The following C20orf203 variants were observed in gnomAD, a reference collection of about 807,000 sequenced individuals.
C20orf203 encodes uncharacterized protein C20orf203.
In C20orf203, 16 loss-of-function variants were observed where a neutral mutation model predicts 15.9. The ratio of observed to expected loss-of-function variants is 1.01; its 90% confidence interval spans 0.68 to 1.53. C20orf203 has a LOEUF of 1.53. C20orf203 is among the 40% of genes most tolerant of loss of function. The pLI is 0.00. For missense variants in C20orf203, 263 were observed against 247.5 expected, an observed-to-expected ratio of 1.06 and a Z score of -0.42; for synonymous variants, 98 against 97.2, an observed-to-expected ratio of 1.01 and a Z score of -0.05.
At chr20:32,672,361 T>TA (rs1385057689) in intron 1 of C20orf203, among the ~76,000 whole-genome samples, 4 of 137,996 alleles carry the variant, frequency 2.9e-5, no homozygotes, top group African/African-American at 1.4e-4. Context: ...TAAAATAAAA[T>TA]AAATACACAC....
rs1333164318 is a variant in C20orf203 at position 32,651,038 on chromosome 20, T to C, written c.115A>G (p.Lys39Glu). ...PPRLASFPFT[K>E]TGMLSRATSV... ...CTTACCCGGCTCAGCATTCCAGTTT[T>C]TGTAAAGGGAAAACTGGCCAGGCGA... Residue 39 changes from lysine (K) to glutamate (E), a missense_variant, in exon 3 of 6, where the codon AAA (lysine) becomes GAA (glutamate). Transcript: ENST00000608990. The C allele has an allele frequency of 6.6e-7, 1 of 1,509,730 alleles. No individual in the cohort carries two copies. The highest frequency in any genetic ancestry group is 8.9e-7 in the Non-Finnish European group (1 of 1,125,780). The allele number at this position is 1,509,730 out of a possible 1,614,324, so 93.5% of individuals were successfully genotyped here.
At chr20:32,671,322 T>G (rs1486842861) in intron 1 of C20orf203, among the ~76,000 whole-genome samples, 1 of 152,166 alleles carries the variant, frequency 6.6e-6, no homozygotes, top group African/African-American at 2.4e-5. Context: ...ACATATGGTG[T>G]GTACACACAT....
At chr20:32,659,246 A>G (rs1413031102) in intron 1 of C20orf203, among the ~76,000 whole-genome samples, 1 of 152,052 alleles carries the variant, frequency 6.6e-6, no homozygotes, top group East Asian at 1.9e-4. Flanking sequence ...CCACACTCCA[A>G]AGACACTGGG....
intron 1 of C20orf203, chr20:32,657,705 A>C (rs1982796448): frequency 6.6e-6 from 1 of 152,256 alleles, no homozygotes; most frequent in African/African-American, 2.4e-5. Context: ...TCTGCCTGTA[A>C]TCCCAGCACT....
chr20:32,673,162 C>T lies in C20orf203; in HGVS notation c.-264+470G>A, dbSNP rs138517244. 8.5e-5 allele frequency among the ~76,000 whole-genome samples: 13 copies of T among 152,270 alleles called. 1 individual carries two copies. The highest frequency in any genetic ancestry group is 3.3e-4 in the Admixed American group (5 of 15,292). On this transcript the variant is annotated intron_variant, in intron 1 of 5. Transcript: ENST00000608990. ...GGGGTTGCAGGGTTGGGGGAACAAGCGACAAGCCCGCCCTCCTGAGGAGCC... is the reference window on the plus strand; with the variant it reads ...GGGGTTGCAGGGTTGGGGGAACAAGTGACAAGCCCGCCCTCCTGAGGAGCC...
At chr20:32,671,661 G>A (rs946272712) in intron 1 of C20orf203, among the ~76,000 whole-genome samples, 1 of 151,860 alleles carries the variant, frequency 6.6e-6, no homozygotes, top group Admixed American at 6.6e-5. Context: ...CCAACATGGA[G>A]AAACCCTGTC....
At chr20:32,669,388 C>T (rs1226579654) in intron 1 of C20orf203, among the ~76,000 whole-genome samples, 1 of 152,204 alleles carries the variant, frequency 6.6e-6, no homozygotes, top group Non-Finnish European at 1.5e-5. Context: ...CTGACCTGCT[C>T]CCTTCGTAAG....
Position 32,650,315 on chromosome 20 carries a change from C to T in C20orf203, c.*117G>A. On this transcript the variant is annotated 3_prime_UTR_variant, in exon 4 of 6. Transcript: ENST00000608990. ...TTTCAGCTGGGCGTGCCGGGCCCATCCCCCACTCTGGGGAGCAGAATGATT... is the reference window on the plus strand; with the variant it reads ...TTTCAGCTGGGCGTGCCGGGCCCATTCCCCACTCTGGGGAGCAGAATGATT... 5 of 754,112 alleles carry T rather than the reference C, an allele frequency of 6.6e-6. No individual in the cohort carries two copies. The South Asian group carries it at 7.2e-5, about 11-fold the overall frequency. 46.7% of individuals were successfully genotyped at this position (754,112 alleles called of 1,614,324 possible). A position where few individuals can be genotyped will look rare whatever the true frequency, so the allele number is the denominator to read the frequency against.
intron 1 of C20orf203, among the ~76,000 whole-genome samples, chr20:32,655,931 C>T (rs1386019694): frequency 6.6e-6 from 1 of 152,256 alleles, no homozygotes; most frequent in Non-Finnish European, 1.5e-5. Context: ...GTGACTCCCT[C>T]ATGAATGGCT....
At chr20:32,666,792 T>TA (rs1983039916) in intron 1 of C20orf203, among the ~76,000 whole-genome samples, 2 of 92,926 alleles carry the variant, frequency 2.2e-5, no homozygotes, top group Non-Finnish European at 2.2e-5. Context: ...GAAATTAATT[T>TA]TAATTTATAT....
At position 32,668,995 on chromosome 20, in the gene C20orf203, C is replaced by T. The variant is rs567949199; in HGVS notation, c.-264+4637G>A. Among the ~76,000 whole-genome samples, 4 of 152,300 alleles carry T rather than the reference C, an allele frequency of 2.6e-5. No homozygotes were observed. The South Asian group carries it at 6.2e-4, about 24-fold the overall frequency. The stretch of plus-strand genomic sequence containing the variant: ...GGTACAAGACTCATCTCTACAAAAT[C>T]GAAGTTTTCCAGTTCAGAAGGAAAA... On this transcript the variant is annotated intron_variant, in intron 1 of 5. Coordinates refer to ENST00000608990, the MANE Select transcript of C20orf203 (RefSeq NM_182584.4).
chr20:32,635,725 C>T (rs1297357852), intron 5 of C20orf203, among the ~76,000 whole-genome samples: 3 of 152,116 alleles, frequency 2.0e-5, no homozygotes, highest in South Asian at 4.1e-4. Flanking sequence ...GTGGGAGGAT[C>T]GCTTGCCTAG....
intron 1 of C20orf203, among the ~76,000 whole-genome samples, chr20:32,672,520 CTATG>C (rs1983198212): frequency 6.6e-6 from 1 of 150,892 alleles, no homozygotes; most frequent in Admixed American, 6.6e-5. Flanking sequence ...TTACAATGAG[CTATG>C]ATTGCATCAT....
At position 32,648,526 on chromosome 20, in the gene C20orf203, C is replaced by T. The variant is rs550100742; in HGVS notation, c.*1177+729G>A. On this transcript the variant is annotated intron_variant, in intron 4 of 5. Transcript: ENST00000608990. ...TGTGACGGTGGCTCACTGCAAGCTC[C>T]GCCTCCCAGGTTCACGCCATTCTTC... Among the ~76,000 whole-genome samples the T allele has an allele frequency of 4.1e-5, 6 of 148,070 alleles. No individual in the cohort carries two copies. In the South Asian group the frequency reaches 8.7e-4, roughly 21 times the overall value.
At chr20:32,653,191 A>T (rs2145673884) in intron 1 of C20orf203, among the ~76,000 whole-genome samples, 1 of 152,164 alleles carries the variant, frequency 6.6e-6, no homozygotes, top group African/African-American at 2.4e-5. Context: ...GGAAGATTTC[A>T]AGGTGGACCA....
intron 4 of C20orf203, among the ~76,000 whole-genome samples, chr20:32,641,333 C>CAAA (rs71338447): frequency 1.4e-3 from 78 of 56,964 alleles, no homozygotes; most frequent in Non-Finnish European, 2.3e-3. Flanking sequence ...CTCAAAAACT[C>CAAA]AAAAAAAAAA....
intron 4 of C20orf203, among the ~76,000 whole-genome samples, chr20:32,648,443 T>TC (rs1600930844): frequency 8.1e-6 from 1 of 123,374 alleles, no homozygotes; most frequent in East Asian, 2.2e-4. Flanking sequence ...TTTTTTTTTT[T>TC]TTTTTTTTTT....
chr20:32,635,843 C>A lies in C20orf203; in HGVS notation c.*1300-1573G>T, dbSNP rs571625873. Among the ~76,000 whole-genome samples the A allele has an allele frequency of 2.1e-4, 32 of 152,290 alleles. 1 individual carries two copies. The South Asian group carries it at 4.1e-3, about 20-fold the overall frequency. ...TTCAGAGACAGATTCTAGGAGGCAA[C>A]TCCATGAGGCCACAACTTCTCTTTC... On this transcript the variant is annotated intron_variant, in intron 5 of 5. Transcript: ENST00000608990.
intron 4 of C20orf203, among the ~76,000 whole-genome samples, chr20:32,646,215 G>A (rs1019902157): frequency 3.9e-5 from 5 of 129,370 alleles, no homozygotes; most frequent in Admixed American, 8.7e-5. Flanking sequence ...AGTCTCGCTC[G>A]ATCTTTTTGT....
Sources: allele counts gnomAD v4.1 joint callset (sites outside exome capture counted in the v4.1 genomes callset), GRCh38; gene constraint gnomAD v4.1.1; transcripts MANE v1.5; gene names NCBI Gene and HGNC (gene_info 2026-07-23, HGNC 2026-07-21).